BNC2: variants seen among roughly 807,000 people sequenced by gnomAD.
BNC2 encodes basonuclin zinc finger protein 2.
In BNC2, 20 loss-of-function variants were observed where a neutral mutation model predicts 76.3. The observed-to-expected ratio is 0.26, with a 90% CI of 0.18 to 0.38. The LOEUF (loss-of-function observed/expected upper bound fraction) is 0.38. Ranked by LOEUF, BNC2 falls within the 10% of genes least tolerant of loss-of-function variation. The pLI is 1.00. For synonymous variants in BNC2, 582 were observed against 514.8 expected (o/e 1.13, Z -1.77); for missense variants, 1,382 against 1,399.8 (o/e 0.99, Z 0.20).
intron 1 of BNC2, among the ~76,000 whole-genome samples, chr9:16,755,751 A>G (rs985011488): frequency 1.3e-5 from 2 of 152,056 alleles, no homozygotes; most frequent in African/African-American, 4.8e-5. Flanking sequence ...TACTCCTCAA[A>G]TCTGCTCCTC....
intron 3 of BNC2, among the ~76,000 whole-genome samples, chr9:16,619,364 C>T (rs1045417133): frequency 2.0e-5 from 3 of 152,050 alleles, no homozygotes; most frequent in Non-Finnish European, 4.4e-5. Context: ...AAAAAGCACC[C>T]TTCTGGCACA....
At position 16,746,010 on chromosome 9, in the gene BNC2, T is replaced by C. The variant is rs148454115; in HGVS notation, c.4-7525A>G. On this transcript the variant is annotated intron_variant, in intron 1 of 6. Transcript: ENST00000380672. ...CTTCTGCAGCCTTACACACACAGAATTGTAAGGTCATACCAAAAAATCTTA... is the reference window on the plus strand; with the variant it reads ...CTTCTGCAGCCTTACACACACAGAACTGTAAGGTCATACCAAAAAATCTTA... Among the ~76,000 whole-genome samples, 363 of 152,286 alleles carry C rather than the reference T, an allele frequency of 2.4e-3. 1 individual carries two copies. The highest frequency in any genetic ancestry group is 3.4e-3 in the Middle Eastern group (1 of 294).
At chr9:16,432,592 A>G (rs1265624241) in intron 6 of BNC2, among the ~76,000 whole-genome samples, 1 of 152,218 alleles carries the variant, frequency 6.6e-6, no homozygotes, top group Non-Finnish European at 1.5e-5. Flanking sequence ...CAATTCTGTT[A>G]GCTTTATGAC....
At chr9:16,619,137 A>C (rs1448851300) in intron 3 of BNC2, among the ~76,000 whole-genome samples, 11 of 152,130 alleles carry the variant, frequency 7.2e-5, no homozygotes, top group Admixed American at 7.2e-4. Flanking sequence ...AAAATTATAA[A>C]AATTCCAAGG....
chr9:16,535,549 C>T (rs747544529), intron 5 of BNC2, among the ~76,000 whole-genome samples: 3 of 152,052 alleles, frequency 2.0e-5, no homozygotes, highest in Non-Finnish European at 4.4e-5. Flanking sequence ...TCCTCCCTGC[C>T]ATTACTCTTA....
chr9:16,730,608 A>T (rs1354918326), intron 2 of BNC2, among the ~76,000 whole-genome samples: 1 of 152,136 alleles, frequency 6.6e-6, no homozygotes, highest in Admixed American at 6.6e-5. Context: ...AATACATCCA[A>T]ATCTAGTCTG....
intron 3 of BNC2, among the ~76,000 whole-genome samples, chr9:16,668,776 G>A (rs1484044147): frequency 6.6e-6 from 1 of 152,184 alleles, no homozygotes; most frequent in South Asian, 2.1e-4. Context: ...ACTTTCTCTT[G>A]TTGGGCAAAC....
intron 3 of BNC2, among the ~76,000 whole-genome samples, chr9:16,693,557 T>G (rs935434700): frequency 6.6e-6 from 1 of 152,106 alleles, no homozygotes; most frequent in African/African-American, 2.4e-5. Flanking sequence ...AGCATTAAAG[T>G]TTGAGGCTCC....
intron 5 of BNC2, among the ~76,000 whole-genome samples, chr9:16,484,572 C>A (rs1439978045): frequency 1.3e-5 from 2 of 152,122 alleles, no homozygotes; most frequent in Non-Finnish European, 2.9e-5. Flanking sequence ...TTAATGTACA[C>A]CCCAATAAAA....
At chr9:16,446,374 G>C (rs533181262) in intron 5 of BNC2, among the ~76,000 whole-genome samples, 61 of 152,160 alleles carry the variant, frequency 4.0e-4, no homozygotes, top group African/African-American at 1.4e-3. Flanking sequence ...CTTGACTCTA[G>C]TTTTTAGAAG....
intron 3 of BNC2, among the ~76,000 whole-genome samples, chr9:16,586,815 G>C (rs939721012): frequency 6.6e-6 from 1 of 152,100 alleles, no homozygotes; most frequent in Non-Finnish European, 1.5e-5. Flanking sequence ...TGGGGTTTGG[G>C]GGCAGTGAGT....
At chr9:16,777,700 C>CAAAAAA in intron 1 of BNC2, among the ~76,000 whole-genome samples, 1 of 100,460 alleles carries the variant, frequency 1.0e-5, no homozygotes, top group Non-Finnish European at 1.8e-5. Flanking sequence ...GACTCCATCT[C>CAAAAAA]AAAAAAAAAA....
At chr9:16,666,115 T>A (rs1279393262) in intron 3 of BNC2, among the ~76,000 whole-genome samples, 1 of 152,222 alleles carries the variant, frequency 6.6e-6, no homozygotes, top group African/African-American at 2.4e-5. Flanking sequence ...TGTATAAAAT[T>A]TGAATTCATA....
chr9:16,861,906 G>A (rs984140429), intron 1 of BNC2, among the ~76,000 whole-genome samples: 2 of 151,868 alleles, frequency 1.3e-5, no homozygotes, highest in Admixed American at 6.6e-5. Flanking sequence ...GGAGAATGGC[G>A]TGAACCTGGG....
intron 3 of BNC2, among the ~76,000 whole-genome samples, chr9:16,689,349 G>C (rs1350302047): frequency 6.6e-6 from 1 of 152,078 alleles, no homozygotes; most frequent in African/African-American, 2.4e-5. Flanking sequence ...CTTGAGAGAA[G>C]AGTCATGTTA....
chr9:16,515,717 G>GA (rs748663886), intron 5 of BNC2, among the ~76,000 whole-genome samples: 4,157 of 101,782 alleles, frequency 0.041, 117 homozygotes, highest in Non-Finnish European at 0.052. Flanking sequence ...GGTACAATTT[G>GA]AAAAAAAAAA....
At chr9:16,550,104 T>C (rs1486856350) in intron 5 of BNC2, among the ~76,000 whole-genome samples, 1 of 152,226 alleles carries the variant, frequency 6.6e-6, no homozygotes, top group Non-Finnish European at 1.5e-5. Flanking sequence ...TTCCTGGTTT[T>C]ACTGAATTTT....
chr9:16,839,230 T>G (rs1818773241), intron 1 of BNC2, among the ~76,000 whole-genome samples: 1 of 152,230 alleles, frequency 6.6e-6, no homozygotes, highest in African/African-American at 2.4e-5. Flanking sequence ...TATACATATC[T>G]GAAAGTAATC....
chr9:16,524,610 A>C (rs1333781979), intron 5 of BNC2, among the ~76,000 whole-genome samples: 1 of 152,226 alleles, frequency 6.6e-6, no homozygotes, highest in Non-Finnish European at 1.5e-5. Context: ...TATGTATAAT[A>C]ATCTACTGAA....
Sources: gnomAD v4.1 joint callset for allele counts (sites outside exome capture counted in the v4.1 genomes callset) on GRCh38, gnomAD v4.1.1 for gene constraint, MANE v1.5 for transcripts, NCBI Gene and HGNC (gene_info 2026-07-23, HGNC 2026-07-21) for gene names.